Variants in SAR1B observed in about 807,000 individuals in gnomAD.
The protein encoded by SAR1B is secretion associated Ras related GTPase 1B, also known as small COPII coat GTPase SAR1B.
A neutral mutation model predicts 26.8 loss-of-function variants in SAR1B; 23 were observed. The observed-to-expected ratio is 0.86, with a 90% CI of 0.62 to 1.22. The LOEUF (loss-of-function observed/expected upper bound fraction) is 1.22. Among genes scored for constraint, SAR1B ranks in the 50% most tolerant of loss-of-function variants. The pLI is 0.00. For missense variants in SAR1B, 196 were observed against 232.8 expected (o/e 0.84, Z 1.03); for synonymous variants, 65 against 80.8 (o/e 0.80, Z 1.05).
At chr5:134,618,487 TATTC>T in intron 3 of SAR1B, among the ~76,000 whole-genome samples, 1 of 152,332 alleles carries the variant, frequency 6.6e-6, no homozygotes, top group African/African-American at 2.4e-5. Context: ...CTCAATTTTA[TATTC>T]ATTATTAAGG....
At chr5:134,612,810 G>C in intron 3 of SAR1B, 54 bp from the exon 4 acceptor site, 1 of 1,496,230 alleles carries the variant, frequency 6.7e-7, no homozygotes, top group Non-Finnish European at 9.2e-7. Flanking sequence ...CATTAATCGT[G>C]TAAAAAGTAA....
Position 134,609,643 on chromosome 5 carries a change from A to G in SAR1B, c.276T>C (p.Ala92=), listed in dbSNP as rs111483417. The G allele has an allele frequency of 2.3e-5, 37 of 1,614,048 alleles. 1 individual carries two copies. The African/African-American group carries it at 4.0e-4, about 17-fold the overall frequency. Residue 92 remains alanine (A), a synonymous_variant, in exon 5 of 7, where the codon GCT becomes GCC. Coordinates refer to ENST00000402673, the MANE Select transcript of SAR1B (RefSeq NM_016103.4). ...ARRVWKNYLP[A]INGIVFLVDC... ...CCACCAGAAATACAATGCCATTGAT[A>G]GCAGGAAGGTAGTTTTTCCACACTC...
intron 4 of SAR1B, among the ~76,000 whole-genome samples, chr5:134,610,906 A>G (rs1765201764): frequency 6.7e-6 from 1 of 148,790 alleles, no homozygotes; most frequent in Non-Finnish European, 1.5e-5. Flanking sequence ...TTTTAAAGAG[A>G]CAGGGTCTTG....
intron 4 of SAR1B, among the ~76,000 whole-genome samples, chr5:134,611,703 C>G (rs937150133): frequency 2.6e-5 from 4 of 152,140 alleles, no homozygotes; most frequent in African/African-American, 9.7e-5. Flanking sequence ...GCTGAGAGCA[C>G]TCCAACTGAG....
intron 2 of SAR1B, among the ~76,000 whole-genome samples, chr5:134,622,015 G>A (rs895179680): frequency 1.3e-5 from 2 of 152,170 alleles, no homozygotes; most frequent in African/African-American, 2.4e-5. Flanking sequence ...TGAGCCACAC[G>A]CCCAGCCAAA....
chr5:134,615,776 C>A (rs534630348), intron 3 of SAR1B, among the ~76,000 whole-genome samples: 55 of 152,152 alleles, frequency 3.6e-4, no homozygotes, highest in Middle Eastern at 6.8e-3. Context: ...GAGATTGCAC[C>A]ACTGCACTCT....
intron 2 of SAR1B, among the ~76,000 whole-genome samples, chr5:134,623,193 C>T (rs1765441798): frequency 6.6e-6 from 1 of 151,274 alleles, no homozygotes; most frequent in East Asian, 1.9e-4. Context: ...GTAATCCTAG[C>T]ACTTTGGGAG....
chr5:134,624,624 A>T (rs1235301676), intron 1 of SAR1B, among the ~76,000 whole-genome samples: 4 of 121,616 alleles, frequency 3.3e-5, no homozygotes, highest in East Asian at 2.3e-4. Context: ...AAGGGAAGTG[A>T]GTTTTTTTTT....
rs1431936399 is a variant in SAR1B at position 134,603,807 on chromosome 5, CA to C, written c.*3142del. On this transcript the variant is annotated 3_prime_UTR_variant, in exon 7 of 7. Coordinates refer to ENST00000402673, the MANE Select transcript of SAR1B (RefSeq NM_016103.4). ...AAGCAAGACTCCATCTCAAAAAAAACAAAAAACAAAAAAACAAAAAACAAAA... is the reference window on the plus strand; with the variant it reads ...AAGCAAGACTCCATCTCAAAAAAAACAAAAACAAAAAAACAAAAAACAAAA... 4 of 151,140 alleles carry C rather than the reference CA, an allele frequency of 2.6e-5. No homozygotes were observed. The highest frequency in any genetic ancestry group is 9.8e-5 in the African/African-American group (4 of 41,010). 9.4% of individuals were successfully genotyped at this position (151,140 alleles called of 1,614,324 possible).
At chr5:134,616,811 A>G (rs758218225) in intron 3 of SAR1B, among the ~76,000 whole-genome samples, 5 of 152,252 alleles carry the variant, frequency 3.3e-5, no homozygotes, top group Non-Finnish European at 5.9e-5. Flanking sequence ...AGCTTCTGCC[A>G]TGTAGCATAA....
chr5:134,615,912 G>A (rs943996793), intron 3 of SAR1B, among the ~76,000 whole-genome samples: 27 of 152,118 alleles, frequency 1.8e-4, no homozygotes, highest in African/African-American at 6.0e-4. Flanking sequence ...CGAGGCGGGT[G>A]GATCACTTGA....
rs372878463 is a variant in SAR1B, at chr5:134,610,840, CCATAA to C, written c.245-1171_245-1167del. Among the ~76,000 whole-genome samples the C allele has an allele frequency of 2.3e-4, 35 of 151,260 alleles. No homozygotes were observed. The East Asian group carries it at 4.7e-3, about 20-fold the overall frequency. On this transcript the variant is annotated intron_variant, in intron 4 of 6. Transcript: ENST00000402673. ...TATGAAATCATAAGAGTAATTTTTT[CCATAA>C]CATAACTTTCTTCACTGACTTGAGT...
intron 3 of SAR1B, among the ~76,000 whole-genome samples, chr5:134,620,276 A>C (rs1211980448): frequency 6.6e-6 from 1 of 152,058 alleles, no homozygotes; most frequent in African/African-American, 2.4e-5. Flanking sequence ...ACTGCACTCC[A>C]GCCTGGGCGA....
chr5:134,622,992 A>G (rs574869617), intron 2 of SAR1B, among the ~76,000 whole-genome samples: 18 of 151,568 alleles, frequency 1.2e-4, no homozygotes, highest in Admixed American at 4.6e-4. Context: ...GCATGATAGT[A>G]TATGCCTGTA....
chr5:134,624,050 A>C lies in SAR1B; in HGVS notation c.-18-13T>G. 1 of 1,512,474 alleles carries C rather than the reference A, an allele frequency of 6.6e-7. No individual in the cohort carries two copies. Among genetic ancestry groups the C allele is most frequent in the Non-Finnish European group, 9.2e-7 (1 of 1,087,518 alleles). The allele number at this position is 1,512,474 out of a possible 1,614,324, so 93.7% of individuals were successfully genotyped here. A position where few individuals can be genotyped will look rare whatever the true frequency, so the allele number is the denominator to read the frequency against. ...AATCTGATAGGGTCTGAAAAAAAAG[A>C]GTTTGAATTTAGTAGTCAACATTAA... is the stretch of plus-strand genomic sequence containing the variant. On this transcript the variant is annotated splice_polypyrimidine_tract_variant and intron_variant, in intron 1 of 6. Transcript: ENST00000402673.
At position 134,603,904 on chromosome 5, in the gene SAR1B, T is replaced by A. The variant is rs542771792; in HGVS notation, c.*3046A>T. On this transcript the variant is annotated 3_prime_UTR_variant, in exon 7 of 7. Transcript: ENST00000402673. ...CTTTTATGCTATAAACCACAAAAAA[T>A]TTGTATATGGATCCAGGTACACAAA... 1.3e-5 allele frequency: 2 copies of A among 152,296 alleles called. No homozygotes were observed. The highest frequency in any genetic ancestry group is 4.8e-5 in the African/African-American group (2 of 41,576). 9.4% of individuals were successfully genotyped at this position (152,296 alleles called of 1,614,324 possible).
At chr5:134,613,522 A>G (rs1039279639) in intron 3 of SAR1B, 23 of 152,236 alleles carry the variant, frequency 1.5e-4, no homozygotes, top group African/African-American at 5.5e-4. Context: ...TACTGACAAT[A>G]TAACAAATAA....
rs892858523 is a variant in SAR1B at position 134,612,994 on chromosome 5, A to G, written c.179-238T>C. 8 of 511,088 alleles carry G rather than the reference A, an allele frequency of 1.6e-5. No individual in the cohort carries two copies. In the Admixed American group the frequency reaches 2.7e-4, roughly 18 times the overall value. 31.7% of individuals were successfully genotyped at this position (511,088 alleles called of 1,614,324 possible). A position where few individuals can be genotyped will look rare whatever the true frequency, so the allele number is the denominator to read the frequency against. On this transcript the variant is annotated intron_variant, in intron 3 of 6. Coordinates refer to ENST00000402673, the MANE Select transcript of SAR1B (RefSeq NM_016103.4). ...TTAGCTCCCACAATTTAGCCTAAAT[A>G]TTTGCCCTGGCATACTTACACTGGT...
At chr5:134,632,650 T>C (rs1765628690) in intron 1 of SAR1B, 78 bp downstream of exon 1, 1 of 152,344 alleles carries the variant, frequency 6.6e-6, no homozygotes, top group African/African-American at 2.4e-5. Flanking sequence ...GAGTAGGTCT[T>C]GGCCCTAAAA....
Sources: gnomAD v4.1 joint callset for allele counts (sites outside exome capture counted in the v4.1 genomes callset) on GRCh38, gnomAD v4.1.1 for gene constraint, MANE v1.5 for transcripts, NCBI Gene and HGNC (gene_info 2026-07-23, HGNC 2026-07-21) for gene names.